PTPRT: variants seen among roughly 807,000 people sequenced by gnomAD.
PTPRT encodes the protein receptor-type tyrosine-protein phosphatase T.
PTPRT carries 56 observed loss-of-function variants against 176.8 expected under a neutral mutation model. The ratio of observed to expected loss-of-function variants is 0.32; its 90% CI spans 0.26 to 0.40. The LOEUF (loss-of-function observed/expected upper bound fraction) is 0.40, where lower values mean the gene tolerates loss of function less well. PTPRT is among the 10% of genes least tolerant of loss of function. The probability of loss-of-function intolerance (pLI) is 1.00; values close to 1 mark genes in which losing one functional copy is unlikely to be tolerated. For missense variants in PTPRT, 1,540 were observed against 1,908.2 expected (o/e 0.81, Z 3.60); for synonymous variants, 783 against 739.0 (o/e 1.06, Z -0.96).
chr20:42,892,786 A>G (rs187913991), intron 1 of PTPRT, among the ~76,000 whole-genome samples: 6 of 152,326 alleles, frequency 3.9e-5, no homozygotes, highest in African/African-American at 1.4e-4. Context: ...CGTCCCTCCA[A>G]CTAAAGCTCC....
chr20:42,564,942 C>T (rs999769952), intron 7 of PTPRT, among the ~76,000 whole-genome samples: 1 of 151,968 alleles, frequency 6.6e-6, no homozygotes, highest in Admixed American at 6.5e-5. Flanking sequence ...TTTTAGTATC[C>T]AAGGAGGGTG....
At chr20:42,701,914 G>A (rs1023217509) in intron 6 of PTPRT, among the ~76,000 whole-genome samples, 9 of 152,032 alleles carry the variant, frequency 5.9e-5, no homozygotes, top group Admixed American at 1.3e-4. Flanking sequence ...TTACAGATAC[G>A]AGCACTGAGA....
chr20:42,638,880 C>A (rs1158850571), intron 7 of PTPRT, among the ~76,000 whole-genome samples: 2 of 151,744 alleles, frequency 1.3e-5, no homozygotes, highest in Non-Finnish European at 2.9e-5. Flanking sequence ...TAAGATAAAC[C>A]CATGAATTAA....
chr20:42,386,446 G>A (rs1488932030), intron 9 of PTPRT, among the ~76,000 whole-genome samples: 1 of 152,192 alleles, frequency 6.6e-6, no homozygotes, highest in Non-Finnish European at 1.5e-5. Context: ...CTTAGGACAG[G>A]CTGGCTCTCA....
At chr20:42,816,008 A>G (rs1323973024) in intron 2 of PTPRT, among the ~76,000 whole-genome samples, 1 of 152,168 alleles carries the variant, frequency 6.6e-6, no homozygotes. Context: ...ACATCTACAA[A>G]AATGAGTCTG....
intron 9 of PTPRT, among the ~76,000 whole-genome samples, chr20:42,445,536 G>A (rs1464049537): frequency 6.6e-6 from 1 of 152,150 alleles, no homozygotes; most frequent in Non-Finnish European, 1.5e-5. Flanking sequence ...TTACACTCAT[G>A]TTTATGCTCA....
At chr20:42,071,267 G>A (rs11697001), downstream of PTPRT, among the ~76,000 whole-genome samples, 10,036 of 152,260 alleles carry the variant, frequency 0.066, 434 homozygotes, top group Middle Eastern at 0.24. Flanking sequence ...AAACTCCAAG[G>A]AGTCAGGTTC....
At chr20:42,214,719 G>A (rs2055727814) in intron 15 of PTPRT, among the ~76,000 whole-genome samples, 1 of 152,208 alleles carries the variant, frequency 6.6e-6, no homozygotes, top group African/African-American at 2.4e-5. Context: ...GTCAGACCCT[G>A]TTGGACCATT....
At chr20:42,845,375 C>G (rs1404772092) in intron 2 of PTPRT, among the ~76,000 whole-genome samples, 1 of 152,158 alleles carries the variant, frequency 6.6e-6, no homozygotes, top group Non-Finnish European at 1.5e-5. Flanking sequence ...TCCATATATG[C>G]AGGTTTATGA....
intron 13 of PTPRT, among the ~76,000 whole-genome samples, chr20:42,259,656 A>G (rs2056712626): frequency 6.6e-6 from 1 of 152,230 alleles, no homozygotes; most frequent in African/African-American, 2.4e-5. Context: ...AGACTGGGTT[A>G]GGTTTCAGAC....
At chr20:43,031,215 C>T (rs1297440585) in intron 1 of PTPRT, among the ~76,000 whole-genome samples, 1 of 152,148 alleles carries the variant, frequency 6.6e-6, no homozygotes, top group Non-Finnish European at 1.5e-5. Context: ...GTTACCAGGA[C>T]AAGATTCTGC....
intron 12 of PTPRT, among the ~76,000 whole-genome samples, chr20:42,295,827 T>C (rs939194260): frequency 6.6e-6 from 1 of 152,196 alleles, no homozygotes; most frequent in African/African-American, 2.4e-5. Context: ...TCCCACATGC[T>C]ATTCTTGTCA....
rs549424917 is a variant in PTPRT, at chr20:42,120,021, A to G, written c.2848-50T>C. ...TGAAGAGTCTGTTGTCAAAGCTTGC[A>G]AACAGCACAATATTAATAAACATCC... On this transcript the variant is annotated intron_variant, in intron 19 of 30. Transcript: ENST00000373187. 3.0e-5 allele frequency: 46 copies of G among 1,513,224 alleles called. No individual in the cohort carries two copies. The East Asian group carries it at 9.4e-4, about 31-fold the overall frequency. The allele number at this position is 1,513,224 out of a possible 1,614,324, so 93.7% of individuals were successfully genotyped here. A position where few individuals can be genotyped will look rare whatever the true frequency, so the allele number is the denominator to read the frequency against.
Position 42,080,850 on chromosome 20 carries a change from G to T in PTPRT, c.*29C>A. 2 of 1,594,248 alleles carry T rather than the reference G, an allele frequency of 1.3e-6. No homozygotes were observed. Among genetic ancestry groups the T allele is most frequent in the South Asian group, 2.2e-5 (2 of 90,630 alleles). Reference sequence around the variant, plus strand: ...GGGGGCTTGGTCACAGCAGCCTCTGGACTCCGGCAGGTTCCCCATCCCATT... The same window carrying T: ...GGGGGCTTGGTCACAGCAGCCTCTGTACTCCGGCAGGTTCCCCATCCCATT... On this transcript the variant is annotated 3_prime_UTR_variant, in exon 31 of 31. Transcript: ENST00000373187.
intron 6 of PTPRT, among the ~76,000 whole-genome samples, chr20:42,724,020 A>G (rs2076341754): frequency 6.6e-6 from 1 of 152,216 alleles, no homozygotes; most frequent in Non-Finnish European, 1.5e-5. Context: ...ATAAGCTTGT[A>G]TGTAGCAATG....
At chr20:42,293,296 C>T (rs1026843926) in intron 12 of PTPRT, among the ~76,000 whole-genome samples, 1 of 152,218 alleles carries the variant, frequency 6.6e-6, no homozygotes, top group African/African-American at 2.4e-5. Context: ...TCCACTAAGA[C>T]TTTTATATGG....
intron 1 of PTPRT, among the ~76,000 whole-genome samples, chr20:43,129,862 C>T (rs1004519359): frequency 1.3e-5 from 2 of 151,956 alleles, no homozygotes; most frequent in South Asian, 4.2e-4. Context: ...TCGTGATCCG[C>T]CCGCCTCGGC....
Position 42,958,169 on chromosome 20 carries a change from T to C in PTPRT, c.89-72237A>G, listed in dbSNP as rs7261504. 7.1e-3 allele frequency among the ~76,000 whole-genome samples: 432 copies of C among 60,564 alleles called. 10 individuals carry two copies. Among genetic ancestry groups the C allele is most frequent in the African/African-American group, 0.032 (411 of 12,770 alleles). The allele number at this position is 60,564 out of a possible 152,430, so 39.7% of individuals were successfully genotyped here. ...GGCTAGGCAGGTTAGGAAGGAGAGA[T>C]AGAGAGAGGGAGAGGTGGGGTGGGG... On this transcript the variant is annotated intron_variant, in intron 1 of 30. Transcript: ENST00000373187.
At chr20:43,087,387 TTC>T (rs199900528) in intron 1 of PTPRT, among the ~76,000 whole-genome samples, 8,596 of 47,852 alleles carry the variant, frequency 0.18, 527 homozygotes, top group East Asian at 0.33. Context: ...TTTTTTTTTT[TTC>T]TCCGAAACAG....
Sources: allele counts gnomAD v4.1 joint callset (sites outside exome capture counted in the v4.1 genomes callset), GRCh38; gene constraint gnomAD v4.1.1; transcripts MANE v1.5; gene names NCBI Gene and HGNC (gene_info 2026-07-23, HGNC 2026-07-21).